Variants in CCDC178 observed in about 807,000 individuals in gnomAD.
The protein encoded by CCDC178 is coiled-coil domain-containing protein 178.
A neutral mutation model predicts 117.4 loss-of-function variants in CCDC178; 126 were observed. The observed-to-expected ratio is 1.07, with a 90% CI of 0.93 to 1.24. The LOEUF (loss-of-function observed/expected upper bound fraction) is 1.24. Among genes scored for constraint, CCDC178 ranks in the 50% most tolerant of loss-of-function variants. The probability of loss-of-function intolerance (pLI) is 0.00; values close to 1 mark genes in which losing one functional copy is unlikely to be tolerated. For synonymous variants in CCDC178, 283 were observed against 313.4 expected, an observed-to-expected ratio of 0.90 and a Z score of 1.02; for missense variants, 1,030 against 986.9, an observed-to-expected ratio of 1.04 and a Z score of -0.59.
Position 33,215,569 on chromosome 18 carries a change from G to T in CCDC178, c.2059C>A (p.Gln687Lys). The T allele has an allele frequency of 2.8e-6, 4 of 1,444,710 alleles. No homozygotes were observed. The highest frequency in any genetic ancestry group is 2.6e-5 in the East Asian group (1 of 38,258). 89.5% of individuals were successfully genotyped at this position (1,444,710 alleles called of 1,614,324 possible). The change falls in exon 19 of 23, where the codon CAG (glutamine) becomes AAG (lysine). Residue 687 changes from glutamine to lysine, a missense_variant. Gln to Lys is a moderately conservative substitution (Grantham distance 53). Coordinates refer to ENST00000383096, the MANE Select transcript of CCDC178 (RefSeq NM_001105528.4). ...ACTTACTTTAATATTTCAAGTGTCT[G>T]ATCAAAACTTTTCTTTTCTTCTTCT... Reference protein sequence around the residue: ...AKEEEKKSFDQTLEILKNKFI... With the variant: ...AKEEEKKSFDKTLEILKNKFI...
chr18:33,419,619 TG>T (rs1213381713), intron 2 of CCDC178, among the ~76,000 whole-genome samples: 1 of 152,130 alleles, frequency 6.6e-6, no homozygotes, highest in Non-Finnish European at 1.5e-5. Flanking sequence ...CATTAAAAAG[TG>T]GGCAAACGAC....
chr18:33,146,131 C>T (rs2058264487), intron 20 of CCDC178, among the ~76,000 whole-genome samples: 1 of 152,156 alleles, frequency 6.6e-6, no homozygotes, highest in Non-Finnish European at 1.5e-5. Context: ...TTTGATAATG[C>T]TACTGCCTGC....
chr18:32,953,854 G>A lies in CCDC178; in HGVS notation c.2524-15763C>T, dbSNP rs563060008. Among the ~76,000 whole-genome samples, 6 of 152,118 alleles carry A rather than the reference G, an allele frequency of 3.9e-5. No individual in the cohort carries two copies. In the South Asian group the frequency reaches 6.2e-4, roughly 16 times the overall value. ...ACTTGTAAATAATAACATGAATAAG[G>A]GCAAAATGATAACAGAAGTTTTCTT... is the stretch of plus-strand genomic sequence containing the variant. On this transcript the variant is annotated intron_variant, in intron 22 of 22. Transcript: ENST00000383096.
chr18:33,342,322 T>C lies in CCDC178; in HGVS notation c.658+3889A>G, dbSNP rs368527771. 3.6e-3 allele frequency among the ~76,000 whole-genome samples: 543 copies of C among 152,298 alleles called. 2 individuals carry two copies. Among genetic ancestry groups the C allele is most frequent in the Admixed American group, 6.4e-3 (98 of 15,292 alleles). On this transcript the variant is annotated intron_variant, in intron 9 of 22. Transcript: ENST00000383096. The stretch of plus-strand genomic sequence containing the variant: ...ATTACTATGAAATATGTTGAAACCA[T>C]AGAATATCAGGAATAGTTATAAGAA...
chr18:33,158,936 T>C (rs1371313234), intron 20 of CCDC178, among the ~76,000 whole-genome samples: 1 of 152,102 alleles, frequency 6.6e-6, no homozygotes, highest in African/African-American at 2.4e-5. Context: ...TTGAATGCAG[T>C]AGGTTTATGG....
intron 10 of CCDC178, among the ~76,000 whole-genome samples, chr18:33,325,731 AG>A (rs1158350813): frequency 6.6e-6 from 1 of 152,136 alleles, no homozygotes; most frequent in Non-Finnish European, 1.5e-5. Context: ...CTTGTGGTTA[AG>A]GTATTTTTGA....
intron 21 of CCDC178, among the ~76,000 whole-genome samples, chr18:33,084,597 G>T (rs540333320): frequency 6.6e-6 from 1 of 152,078 alleles, no homozygotes; most frequent in Non-Finnish European, 1.5e-5. Flanking sequence ...CAGATCACGA[G>T]GTCAGGAGTT....
intron 6 of CCDC178, among the ~76,000 whole-genome samples, chr18:33,367,238 G>T (rs938232542): frequency 2.0e-5 from 3 of 152,028 alleles, no homozygotes; most frequent in Admixed American, 6.6e-5. Context: ...TTTCTTGTGG[G>T]ATCTAAAAAT....
chr18:32,990,578 A>T (rs1274408546), intron 21 of CCDC178, among the ~76,000 whole-genome samples: 1 of 152,168 alleles, frequency 6.6e-6, no homozygotes, highest in African/African-American at 2.4e-5. Flanking sequence ...ATGTAAAACT[A>T]AATTCCATAT....
intron 20 of CCDC178, among the ~76,000 whole-genome samples, chr18:33,158,236 C>A (rs1212683175): frequency 1.3e-5 from 2 of 152,128 alleles, no homozygotes; most frequent in African/African-American, 2.4e-5. Flanking sequence ...AAGATGTAGT[C>A]TAATTTGCCA....
chr18:33,361,674 T>A (rs1307140614), intron 6 of CCDC178, among the ~76,000 whole-genome samples: 1 of 151,762 alleles, frequency 6.6e-6, no homozygotes, highest in Non-Finnish European at 1.5e-5. Context: ...TCAAAAAATA[T>A]ATAAATGGAA....
At chr18:33,315,994 C>A (rs748529992) in intron 11 of CCDC178, among the ~76,000 whole-genome samples, 5 of 152,214 alleles carry the variant, frequency 3.3e-5, no homozygotes, top group African/African-American at 4.8e-5. Flanking sequence ...GGACACGTTC[C>A]TCCTCTTACT....
At chr18:33,203,271 G>T (rs886543222) in intron 20 of CCDC178, among the ~76,000 whole-genome samples, 3 of 151,948 alleles carry the variant, frequency 2.0e-5, no homozygotes, top group Non-Finnish European at 4.4e-5. Flanking sequence ...AAGATATTAG[G>T]TGCCACATAT....
chr18:33,227,304 A>C (rs1270315396), intron 15 of CCDC178, among the ~76,000 whole-genome samples: 1 of 150,732 alleles, frequency 6.6e-6, no homozygotes, highest in Non-Finnish European at 1.5e-5. Flanking sequence ...TTTTTTTTAA[A>C]TCATACCTTT....
chr18:33,360,056 A>T (rs1327779519), intron 6 of CCDC178, among the ~76,000 whole-genome samples: 1 of 150,516 alleles, frequency 6.6e-6, no homozygotes, highest in Middle Eastern at 3.4e-3. Context: ...TATGTTAGAA[A>T]TTTTTTTTTA....
intron 14 of CCDC178, among the ~76,000 whole-genome samples, chr18:33,266,224 T>C (rs1024261592): frequency 6.6e-6 from 1 of 152,040 alleles, no homozygotes; most frequent in African/African-American, 2.4e-5. Context: ...AGTAGCATAA[T>C]GAAATCTCAT....
intron 20 of CCDC178, among the ~76,000 whole-genome samples, chr18:33,178,389 A>ATTAC (rs2058688843): frequency 1.3e-5 from 2 of 152,186 alleles, no homozygotes; most frequent in South Asian, 4.1e-4. Context: ...CTCTTGAAAT[A>ATTAC]TTACTTTAAG....
chr18:33,238,071 G>C (rs2144669631), intron 15 of CCDC178, among the ~76,000 whole-genome samples: 1 of 152,288 alleles, frequency 6.6e-6, no homozygotes, highest in East Asian at 1.9e-4. Flanking sequence ...AAACTACATA[G>C]AGACTACATT....
intron 21 of CCDC178, among the ~76,000 whole-genome samples, chr18:33,023,811 C>A (rs1410172139): frequency 6.6e-6 from 1 of 152,026 alleles, no homozygotes; most frequent in African/African-American, 2.4e-5. Flanking sequence ...TATATATGTT[C>A]TCTGAATACA....
Sources: allele counts gnomAD v4.1 joint callset (sites outside exome capture counted in the v4.1 genomes callset), GRCh38; gene constraint gnomAD v4.1.1; transcripts MANE v1.5; gene names NCBI Gene and HGNC (gene_info 2026-07-23, HGNC 2026-07-21).